Variants in FHOD3 observed in about 807,000 individuals in gnomAD.
The protein encoded by FHOD3 is FH1/FH2 domain-containing protein 3.
Under a neutral mutation model 173.0 loss-of-function variants are expected in FHOD3, and 90 were observed. That is an observed-to-expected ratio of 0.52 (90% CI 0.44 to 0.62). The LOEUF is 0.62. FHOD3 is among the 20% of genes least tolerant of loss of function. The probability of loss-of-function intolerance (pLI) is 0.00; values close to 1 mark genes in which losing one functional copy is unlikely to be tolerated. For missense variants in FHOD3, 1,945 were observed against 2,034.7 expected, an observed-to-expected ratio of 0.96 and a Z score of 0.85; for synonymous variants, 828 against 823.0, an observed-to-expected ratio of 1.01 and a Z score of -0.10.
chr18:36,769,982 A>T (rs1281563650), intron 28 of FHOD3, among the ~76,000 whole-genome samples: 1 of 152,132 alleles, frequency 6.6e-6, no homozygotes, highest in East Asian at 1.9e-4. Flanking sequence ...CAAATAGAGG[A>T]TTCAACTAAA....
chr18:36,715,471 T>C (rs1287020707), intron 18 of FHOD3, among the ~76,000 whole-genome samples: 2 of 152,190 alleles, frequency 1.3e-5, no homozygotes, highest in Non-Finnish European at 2.9e-5. Context: ...GGCAGCCCTT[T>C]ATAGCAGCAT....
intron 19 of FHOD3, among the ~76,000 whole-genome samples, chr18:36,730,022 T>C (rs1353819328): frequency 6.6e-6 from 1 of 152,212 alleles, no homozygotes; most frequent in Non-Finnish European, 1.5e-5. Context: ...CCCTTTCCTT[T>C]CTTTTCCTTG....
intron 3 of FHOD3, among the ~76,000 whole-genome samples, chr18:36,422,756 A>G (rs1003123781): frequency 2.6e-5 from 4 of 152,184 alleles, no homozygotes; most frequent in Admixed American, 6.5e-5. Flanking sequence ...TGAAAACGTT[A>G]ATTAGCGTCC....
At position 36,408,813 on chromosome 18, in the gene FHOD3, A is replaced by G. The variant is rs560861825; in HGVS notation, c.337+36069A>G. Among the ~76,000 whole-genome samples the G allele has an allele frequency of 5.3e-5, 8 of 152,262 alleles. No individual in the cohort carries two copies. The South Asian group carries it at 1.5e-3, about 28-fold the overall frequency. On this transcript the variant is annotated intron_variant, in intron 3 of 28. Coordinates refer to ENST00000590592, the MANE Select transcript of FHOD3 (RefSeq NM_001281740.3). ...GAGCCAAGCCTGGAGCATGTGGTGG[A>G]TCACCTCCCAGGAGCAGATGGGCCG...
At chr18:36,606,550 C>T (rs2032094442) in intron 8 of FHOD3, among the ~76,000 whole-genome samples, 1 of 152,096 alleles carries the variant, frequency 6.6e-6, no homozygotes. Flanking sequence ...GCATTCTGCC[C>T]CCTGTCCCCA....
chr18:36,510,325 T>C (rs2055564314), intron 4 of FHOD3, among the ~76,000 whole-genome samples: 1 of 152,258 alleles, frequency 6.6e-6, no homozygotes, highest in Admixed American at 6.5e-5. Flanking sequence ...TATTTTAGGA[T>C]ATATGTGTAA....
intron 3 of FHOD3, among the ~76,000 whole-genome samples, chr18:36,420,093 G>A (rs2049909355): frequency 6.6e-6 from 1 of 152,192 alleles, no homozygotes; most frequent in African/African-American, 2.4e-5. Context: ...GCTTCTCTTG[G>A]AATGCGGAGC....
intron 5 of FHOD3, among the ~76,000 whole-genome samples, chr18:36,557,074 A>G (rs778093062): frequency 5.3e-5 from 8 of 151,798 alleles, no homozygotes; most frequent in Non-Finnish European, 8.8e-5. Context: ...ATATGCATCT[A>G]TTTTCTGTTC....
chr18:36,334,418 CT>C (rs2045193777), intron 1 of FHOD3, among the ~76,000 whole-genome samples: 2 of 152,194 alleles, frequency 1.3e-5, no homozygotes, highest in Non-Finnish European at 2.9e-5. Flanking sequence ...TTCAGATGAC[CT>C]GTTTTTGAGA....
chr18:36,651,227 T>A (rs1174930588), intron 11 of FHOD3, among the ~76,000 whole-genome samples: 1 of 152,124 alleles, frequency 6.6e-6, no homozygotes, highest in East Asian at 1.9e-4. Context: ...CCTGCCCTTA[T>A]GTACAAGCAG....
chr18:36,517,236 A>T (rs1336218378), intron 5 of FHOD3, among the ~76,000 whole-genome samples: 1 of 152,146 alleles, frequency 6.6e-6, no homozygotes, highest in Non-Finnish European at 1.5e-5. Flanking sequence ...TGTACTGTGA[A>T]ATTTTGTACC....
At chr18:36,613,631 A>G (rs955840391) in intron 9 of FHOD3, among the ~76,000 whole-genome samples, 8 of 152,126 alleles carry the variant, frequency 5.3e-5, no homozygotes, top group Non-Finnish European at 1.0e-4. Flanking sequence ...ATGTCATTGC[A>G]AGAGCCTTTG....
intron 8 of FHOD3, 117 bp downstream of exon 8, chr18:36,602,885 C>A: frequency 1.3e-6 from 1 of 796,036 alleles, no homozygotes; most frequent in Non-Finnish European, 2.1e-6. Flanking sequence ...CAGATATAAT[C>A]TGGTTGTGAG....
At chr18:36,330,365 G>A (rs1050313353) in intron 1 of FHOD3, among the ~76,000 whole-genome samples, 5 of 152,322 alleles carry the variant, frequency 3.3e-5, no homozygotes, top group Admixed American at 1.3e-4. Flanking sequence ...AGCATTCTGA[G>A]CACTGTCGAG....
intron 7 of FHOD3, among the ~76,000 whole-genome samples, chr18:36,602,305 T>C (rs2031499043): frequency 6.6e-6 from 1 of 152,212 alleles, no homozygotes; most frequent in African/African-American, 2.4e-5. Context: ...TCTGTGCTGA[T>C]GGATATTCTT....
At chr18:36,409,975 T>A (rs1009146885) in intron 3 of FHOD3, among the ~76,000 whole-genome samples, 2 of 152,248 alleles carry the variant, frequency 1.3e-5, no homozygotes, top group African/African-American at 4.8e-5. Flanking sequence ...CCTGTCATGA[T>A]GCTGTGAACC....
At chr18:36,726,800 G>T (rs184062198) in intron 19 of FHOD3, among the ~76,000 whole-genome samples, 1 of 151,960 alleles carries the variant, frequency 6.6e-6, no homozygotes, top group Non-Finnish European at 1.5e-5. Context: ...TCAGCCTCCC[G>T]AGTAGCTGGG....
intron 1 of FHOD3, among the ~76,000 whole-genome samples, chr18:36,308,484 G>A (rs2092162216): frequency 6.6e-6 from 1 of 152,122 alleles, no homozygotes; most frequent in South Asian, 2.1e-4. Flanking sequence ...CCACCAGGTG[G>A]GATTCAGAGA....
At chr18:36,767,648 A>G (rs563043006) in intron 27 of FHOD3, among the ~76,000 whole-genome samples, 2 of 152,264 alleles carry the variant, frequency 1.3e-5, no homozygotes, top group East Asian at 3.9e-4. Context: ...GGAAAACATC[A>G]TTGTTCTATA....
Sources: allele counts gnomAD v4.1 joint callset (sites outside exome capture counted in the v4.1 genomes callset), GRCh38; gene constraint gnomAD v4.1.1; transcripts MANE v1.5; gene names NCBI Gene and HGNC (gene_info 2026-07-23, HGNC 2026-07-21).